Variants in AUTS2 observed in about 807,000 individuals in gnomAD.
The protein encoded by AUTS2 is activator of transcription and developmental regulator AUTS2, also known as autism susceptibility gene 2 protein.
A neutral mutation model predicts 112.4 loss-of-function variants in AUTS2; 17 were observed. The observed-to-expected ratio is 0.15, with a 90% CI of 0.10 to 0.23. AUTS2 has a LOEUF of 0.23. AUTS2 is among the 10% of genes least tolerant of loss of function. The pLI is 1.00. For synonymous variants in AUTS2, 751 were observed against 702.7 expected (o/e 1.07, Z -1.09); for missense variants, 1,510 against 1,701.6 (o/e 0.89, Z 1.98).
At chr7:70,239,949 T>G (rs1812523110) in intron 4 of AUTS2, among the ~76,000 whole-genome samples, 1 of 152,138 alleles carries the variant, frequency 6.6e-6, no homozygotes. Flanking sequence ...GTCCTGTGGT[T>G]TAAGTAACGG....
At chr7:69,703,643 C>T (rs1797923449) in intron 1 of AUTS2, among the ~76,000 whole-genome samples, 2 of 152,224 alleles carry the variant, frequency 1.3e-5, no homozygotes, top group Admixed American at 6.5e-5. Flanking sequence ...CTGGTTTGGT[C>T]AGGGTGGAAG....
chr7:70,053,544 G>GTGTTTTTTTTTTTTTTTTTTTTT (rs1801849468), intron 2 of AUTS2, among the ~76,000 whole-genome samples: 1 of 127,848 alleles, frequency 7.8e-6, no homozygotes, highest in Non-Finnish European at 1.6e-5. Flanking sequence ...GTTTTGGGTG[G>GTGTTTTTTTTTTTTTTTTTTTTT]TTTTTTTTTT....
At chr7:69,784,882 G>A (rs1321789224) in intron 1 of AUTS2, among the ~76,000 whole-genome samples, 4 of 152,142 alleles carry the variant, frequency 2.6e-5, no homozygotes, top group East Asian at 1.9e-4. Context: ...GTGCTACTAT[G>A]TGCCAGGCAC....
At chr7:69,991,285 A>G (rs1798732572) in intron 2 of AUTS2, among the ~76,000 whole-genome samples, 1 of 152,226 alleles carries the variant, frequency 6.6e-6, no homozygotes, top group Non-Finnish European at 1.5e-5. Context: ...GATGCAGTGT[A>G]GGAAAGCATT....
chr7:70,045,806 T>A (rs904918739), intron 2 of AUTS2, among the ~76,000 whole-genome samples: 11 of 146,162 alleles, frequency 7.5e-5, no homozygotes, highest in South Asian at 4.3e-4. Flanking sequence ...TTTTTTTTTT[T>A]AAGTAGAGAT....
chr7:70,353,416 G>A (rs1312124371), intron 4 of AUTS2, among the ~76,000 whole-genome samples: 1 of 152,072 alleles, frequency 6.6e-6, no homozygotes. Context: ...TGGTTTCACT[G>A]CATTTTACTC....
At chr7:70,384,830 A>C (rs958535448) in intron 4 of AUTS2, among the ~76,000 whole-genome samples, 11 of 152,270 alleles carry the variant, frequency 7.2e-5, no homozygotes, top group Admixed American at 2.0e-4. Flanking sequence ...CATATCCCCC[A>C]CTGGCCTCCA....
chr7:70,523,004 T>C lies in AUTS2; in HGVS notation c.690+87223T>C, dbSNP rs374545826. Among the ~76,000 whole-genome samples the C allele has an allele frequency of 2.6e-5, 4 of 152,362 alleles. No homozygotes were observed. The East Asian group carries it at 5.8e-4, about 22-fold the overall frequency. On this transcript the variant is annotated intron_variant, in intron 5 of 18. Transcript: ENST00000342771. ...TTAATTTAAGAATGAGACCGCCATT[T>C]CTTCAGGATTCAAAGCTGCTTCTAA... is the stretch of plus-strand genomic sequence containing the variant.
At chr7:69,926,365 T>A (rs1796007786) in intron 2 of AUTS2, among the ~76,000 whole-genome samples, 1 of 152,168 alleles carries the variant, frequency 6.6e-6, no homozygotes, top group Non-Finnish European at 1.5e-5. Flanking sequence ...ATTGATTGAT[T>A]GATCCCTTTA....
intron 3 of AUTS2, among the ~76,000 whole-genome samples, chr7:70,129,012 C>T (rs530808990): frequency 1.1e-4 from 17 of 152,158 alleles, no homozygotes; most frequent in South Asian, 8.3e-4. Context: ...CTAAAAAGAC[C>T]GTATATCCAA....
At chr7:69,684,984 G>A (rs1024868874) in intron 1 of AUTS2, among the ~76,000 whole-genome samples, 1 of 152,138 alleles carries the variant, frequency 6.6e-6, no homozygotes, top group African/African-American at 2.4e-5. Flanking sequence ...TGTGTACAGG[G>A]ACTCATATTG....
chr7:70,049,394 A>G, intron 2 of AUTS2, among the ~76,000 whole-genome samples: 1 of 151,548 alleles, frequency 6.6e-6, no homozygotes, highest in African/African-American at 2.4e-5. Context: ...CAGTGGCATG[A>G]TCTCGGCTCA....
intron 6 of AUTS2, among the ~76,000 whole-genome samples, chr7:70,739,002 C>CTTTTTTT (rs1787938008): frequency 1.2e-5 from 1 of 83,244 alleles, no homozygotes. Context: ...GGTTTTGAGG[C>CTTTTTTT]CTTTTTTTTT....
At chr7:69,646,249 G>T (rs1378022873) in intron 1 of AUTS2, among the ~76,000 whole-genome samples, 1 of 152,060 alleles carries the variant, frequency 6.6e-6, no homozygotes, top group Non-Finnish European at 1.5e-5. Context: ...GGCTGCTACT[G>T]TTTCTCCTTA....
chr7:70,527,282 A>G (rs755753934), intron 5 of AUTS2, among the ~76,000 whole-genome samples: 1 of 152,222 alleles, frequency 6.6e-6, no homozygotes, highest in Non-Finnish European at 1.5e-5. Flanking sequence ...GGAAGTTAAA[A>G]TTCCAGTTTC....
At chr7:70,064,018 G>A (rs537004146) in intron 2 of AUTS2, among the ~76,000 whole-genome samples, 16 of 152,290 alleles carry the variant, frequency 1.1e-4, no homozygotes, top group African/African-American at 3.8e-4. Flanking sequence ...CAGACTAGAA[G>A]GCGTCATTCT....
rs74560503 is a variant in AUTS2 at position 69,942,785 on chromosome 7, C to T, written c.522+43287C>T. Among the ~76,000 whole-genome samples the T allele has an allele frequency of 7.9e-3, 1,208 of 152,322 alleles. 14 individuals are homozygous for T. Among genetic ancestry groups the T allele is most frequent in the East Asian group, 0.053 (275 of 5,190 alleles). ...CTGTATGACAGGAGTCACAACAAAA[C>T]TGTTACGTGACTTGTGTCTAAAGCT... On this transcript the variant is annotated intron_variant, in intron 2 of 18. Coordinates refer to ENST00000342771, the MANE Select transcript of AUTS2 (RefSeq NM_015570.4).
chr7:70,500,988 G>A (rs1342243950), intron 5 of AUTS2, among the ~76,000 whole-genome samples: 1 of 152,110 alleles, frequency 6.6e-6, no homozygotes, highest in Non-Finnish European at 1.5e-5. Flanking sequence ...CTCCCAAAGT[G>A]CTGGAATTAC....
intron 4 of AUTS2, among the ~76,000 whole-genome samples, chr7:70,169,432 G>A (rs1421735795): frequency 1.3e-5 from 2 of 151,916 alleles, no homozygotes; most frequent in African/African-American, 2.4e-5. Context: ...TAGTAGAGAC[G>A]GGGTTTCACT....
Sources: allele counts gnomAD v4.1 joint callset (sites outside exome capture counted in the v4.1 genomes callset), GRCh38; gene constraint gnomAD v4.1.1; transcripts MANE v1.5; gene names NCBI Gene and HGNC (gene_info 2026-07-23, HGNC 2026-07-21).